Variants in ERBB4 observed in about 807,000 individuals in gnomAD.
ERBB4 encodes receptor tyrosine-protein kinase erbB-4.
ERBB4 carries 42 observed loss-of-function variants against 158.0 expected under a neutral mutation model. The observed-to-expected ratio is 0.27, with a 90% CI of 0.21 to 0.34. The LOEUF is 0.34. ERBB4 is among the 10% of genes least tolerant of loss of function. The pLI is 1.00. For synonymous variants in ERBB4, 583 were observed against 558.7 expected (o/e 1.04, Z -0.61); for missense variants, 1,333 against 1,624.1 (o/e 0.82, Z 3.08).
chr2:212,200,101 A>G (rs2082548538), intron 1 of ERBB4, among the ~76,000 whole-genome samples: 1 of 152,182 alleles, frequency 6.6e-6, no homozygotes, highest in South Asian at 2.1e-4. Flanking sequence ...ATTATAGGAC[A>G]TTAATTTCAT....
chr2:212,002,597 G>C (rs1433428823), intron 2 of ERBB4, among the ~76,000 whole-genome samples: 2 of 152,042 alleles, frequency 1.3e-5, no homozygotes, highest in Non-Finnish European at 2.9e-5. Flanking sequence ...TTATAATACA[G>C]GCAACAAACA....
At chr2:211,426,774 A>G (rs1281589818) in intron 22 of ERBB4, among the ~76,000 whole-genome samples, 1 of 151,492 alleles carries the variant, frequency 6.6e-6, no homozygotes, top group Non-Finnish European at 1.5e-5. Context: ...AGAAAGAAAA[A>G]GAAAAAAGTA....
chr2:211,426,581 C>T (rs1013501704), intron 22 of ERBB4, among the ~76,000 whole-genome samples: 3 of 152,022 alleles, frequency 2.0e-5, no homozygotes, highest in African/African-American at 7.2e-5. Context: ...AAAAATGTTA[C>T]ACCCTGAGTA....
At chr2:211,554,300 G>C in intron 20 of ERBB4, among the ~76,000 whole-genome samples, 1 of 152,184 alleles carries the variant, frequency 6.6e-6, no homozygotes, top group Middle Eastern at 3.2e-3. Context: ...ATAAACTGGG[G>C]AAATAATGAG....
chr2:211,632,095 G>C (rs2070160447), intron 16 of ERBB4, among the ~76,000 whole-genome samples: 1 of 152,030 alleles, frequency 6.6e-6, no homozygotes, highest in African/African-American at 2.4e-5. Flanking sequence ...TAAAAAGGTA[G>C]TTCATCCTAA....
intron 2 of ERBB4, among the ~76,000 whole-genome samples, chr2:212,095,679 TC>T (rs1199172016): frequency 1.3e-5 from 2 of 152,118 alleles, no homozygotes; most frequent in Non-Finnish European, 2.9e-5. Context: ...ACGCCTATAA[TC>T]CCAGCACTTT....
intron 15 of ERBB4, among the ~76,000 whole-genome samples, chr2:211,660,338 G>A (rs1043150960): frequency 2.0e-5 from 3 of 152,174 alleles, no homozygotes; most frequent in African/African-American, 7.2e-5. Flanking sequence ...CCAAACTAGG[G>A]AAATGGTAAC....
At chr2:211,877,743 G>T (rs2078546741) in intron 3 of ERBB4, among the ~76,000 whole-genome samples, 1 of 152,002 alleles carries the variant, frequency 6.6e-6, no homozygotes, top group Non-Finnish European at 1.5e-5. Flanking sequence ...TTATTATTTT[G>T]GGTTTAAGAA....
chr2:211,909,895 T>A (rs75472863), intron 3 of ERBB4, among the ~76,000 whole-genome samples: 8,878 of 151,848 alleles, frequency 0.058, 518 homozygotes, highest in Middle Eastern at 0.092. Context: ...ACAATCTTTC[T>A]GTATAAGTTA....
At chr2:211,384,737 TATA>T (rs2062649903) in intron 27 of ERBB4, among the ~76,000 whole-genome samples, 1 of 152,170 alleles carries the variant, frequency 6.6e-6, no homozygotes, top group Non-Finnish European at 1.5e-5. Context: ...AAAGTATAAT[TATA>T]ATATTTCCAT....
intron 19 of ERBB4, among the ~76,000 whole-genome samples, chr2:211,609,012 C>T (rs1453078102): frequency 1.3e-5 from 2 of 152,012 alleles, no homozygotes; most frequent in African/African-American, 4.8e-5. Flanking sequence ...TAACTATGAC[C>T]ATTCCTAAGG....
intron 19 of ERBB4, among the ~76,000 whole-genome samples, chr2:211,565,407 T>A (rs930216117): frequency 3.9e-5 from 6 of 152,092 alleles, no homozygotes; most frequent in African/African-American, 1.4e-4. Context: ...AAGAAAAAAT[T>A]AAGACTTCAC....
intron 1 of ERBB4, among the ~76,000 whole-genome samples, chr2:212,143,034 A>AT (rs1273077162): frequency 2.6e-5 from 4 of 152,122 alleles, no homozygotes; most frequent in Admixed American, 1.3e-4. Flanking sequence ...TGTCATATGT[A>AT]TACAGAAGCT....
In ERBB4 at chr2:212,259,299, A is replaced by T. The variant is rs369057051; in HGVS notation, c.83-134396T>A. On this transcript the variant is annotated intron_variant, in intron 1 of 27. Coordinates refer to ENST00000342788, the MANE Select transcript of ERBB4 (RefSeq NM_005235.3). ...TCTCATAAATTATACTTTAAAATCT[A>T]TTCTGGGACAACTACTTGAAAAGCC... is the stretch of plus-strand genomic sequence containing the variant. Among the ~76,000 whole-genome samples, 5 of 152,280 alleles carry T rather than the reference A, an allele frequency of 3.3e-5. No homozygotes were observed. In the South Asian group the frequency reaches 1.0e-3, roughly 32 times the overall value.
intron 3 of ERBB4, among the ~76,000 whole-genome samples, chr2:211,851,848 A>C (rs528817396): frequency 6.6e-6 from 1 of 152,018 alleles, no homozygotes; most frequent in South Asian, 2.1e-4. Flanking sequence ...CAAAAGCTAA[A>C]GAGATATGAG....
intron 1 of ERBB4, among the ~76,000 whole-genome samples, chr2:212,277,402 A>T (rs1568516): frequency 0.047 from 7,019 of 150,758 alleles, 225 homozygotes; most frequent in African/African-American, 0.089. Context: ...ACCACAACGG[A>T]TTCTACACGA....
At chr2:211,976,971 C>T (rs925317328) in intron 2 of ERBB4, among the ~76,000 whole-genome samples, 6 of 152,020 alleles carry the variant, frequency 3.9e-5, no homozygotes, top group African/African-American at 9.7e-5. Context: ...TTAAATAGTG[C>T]CTATACATAT....
At chr2:212,049,765 T>G (rs976829005) in intron 2 of ERBB4, among the ~76,000 whole-genome samples, 1 of 152,226 alleles carries the variant, frequency 6.6e-6, no homozygotes, top group African/African-American at 2.4e-5. Context: ...GTAATGTCTT[T>G]GTCTTCACAT....
chr2:211,955,270 C>A (rs751440812), intron 2 of ERBB4, among the ~76,000 whole-genome samples: 10 of 152,046 alleles, frequency 6.6e-5, no homozygotes, highest in Non-Finnish European at 1.5e-4. Context: ...TCATCACTGG[C>A]CGCTTAGCCA....
Sources: allele counts gnomAD v4.1 joint callset (sites outside exome capture counted in the v4.1 genomes callset), GRCh38; gene constraint gnomAD v4.1.1; transcripts MANE v1.5; gene names NCBI Gene and HGNC (gene_info 2026-07-23, HGNC 2026-07-21).